LGSN: variants seen among roughly 807,000 people sequenced by gnomAD.
LGSN encodes the protein lengsin, lens protein with glutamine synthetase domain, also known as lengsin.
LGSN carries 21 observed loss-of-function variants against 19.5 expected under a neutral mutation model. The ratio of observed to expected loss-of-function variants is 1.07; its 90% CI spans 0.76 to 1.55. The LOEUF is 1.55. LGSN is among the 40% of genes most tolerant of loss of function. The pLI, the probability that LGSN is intolerant of heterozygous loss-of-function variation, is 0.00. For missense variants in LGSN, 673 were observed against 608.5 expected (o/e 1.11, Z -1.12); for synonymous variants, 257 against 215.6 (o/e 1.19, Z -1.68).
At chr6:63,511,554 C>G in the LGSN span, among the ~76,000 whole-genome samples, 2 of 152,178 alleles carry the variant, frequency 1.3e-5, no homozygotes. Context: ...CCGCACCCAG[C>G]CTCAAGTGAA....
chr6:63,292,393 G>T (rs1357926731), intron 2 of LGSN, among the ~76,000 whole-genome samples: 4 of 152,182 alleles, frequency 2.6e-5, no homozygotes, highest in African/African-American at 9.7e-5. Flanking sequence ...AGAGAGCTCT[G>T]GTCTTTGCCC....
chr6:63,360,909 G>T, the LGSN span, among the ~76,000 whole-genome samples: 5 of 152,210 alleles, frequency 3.3e-5, no homozygotes, highest in African/African-American at 1.2e-4. Flanking sequence ...GTTGGAGTTT[G>T]CCAGAGGTCC....
chr6:63,334,544 T>A, the LGSN span, among the ~76,000 whole-genome samples: 1 of 152,188 alleles, frequency 6.6e-6, no homozygotes, highest in South Asian at 2.1e-4. Flanking sequence ...CCCAAAGCAA[T>A]CTACATATTC....
At chr6:63,505,621 G>GAAAT in the LGSN span, among the ~76,000 whole-genome samples, 275 of 97,904 alleles carry the variant, frequency 2.8e-3, 34 homozygotes, top group African/African-American at 7.5e-3. Context: ...AAGAAAGAAA[G>GAAAT]AAAGAAAGAA....
the LGSN span, among the ~76,000 whole-genome samples, chr6:63,485,385 C>T: frequency 1.3e-5 from 2 of 152,172 alleles, no homozygotes; most frequent in African/African-American, 4.8e-5. Flanking sequence ...TATATGGTTG[C>T]ATAGTGTTCC....
chr6:63,491,899 T>C, the LGSN span, among the ~76,000 whole-genome samples: 1 of 152,044 alleles, frequency 6.6e-6, no homozygotes, highest in Non-Finnish European at 1.5e-5. Context: ...CGTAGTGGTG[T>C]GTGCCTGTAA....
the LGSN span, among the ~76,000 whole-genome samples, chr6:63,547,602 T>C: frequency 6.7e-6 from 1 of 148,666 alleles, no homozygotes; most frequent in South Asian, 2.2e-4. Flanking sequence ...GCCTCCCGGG[T>C]TCATTCCATT....
chr6:63,298,255 C>T (rs1768055370), intron 1 of LGSN, among the ~76,000 whole-genome samples: 1 of 152,178 alleles, frequency 6.6e-6, no homozygotes, highest in Non-Finnish European at 1.5e-5. Flanking sequence ...TAAGTTGTCT[C>T]TCAGATTATG....
the LGSN span, among the ~76,000 whole-genome samples, chr6:63,542,688 G>A: frequency 9.9e-5 from 15 of 152,082 alleles, no homozygotes; most frequent in African/African-American, 1.7e-4. Context: ...CCTGACACTC[G>A]CTGGTTTGTC....
upstream of LGSN, among the ~76,000 whole-genome samples, chr6:63,320,916 T>G (rs933972223): frequency 6.6e-6 from 1 of 152,182 alleles, no homozygotes; most frequent in Middle Eastern, 3.2e-3. Flanking sequence ...CTAAAGACAG[T>G]GATTAACTAT....
the LGSN span, among the ~76,000 whole-genome samples, chr6:63,491,401 C>G: frequency 6.6e-6 from 1 of 151,478 alleles, no homozygotes; most frequent in African/African-American, 2.4e-5. Flanking sequence ...GCTGGAAGAC[C>G]CTAGGTCTTT....
chr6:63,316,027 G>C (rs1018475437), intron 1 of LGSN, among the ~76,000 whole-genome samples: 4 of 152,022 alleles, frequency 2.6e-5, no homozygotes, highest in African/African-American at 9.7e-5. Flanking sequence ...AAATGGAATG[G>C]GTTATTTGTC....
At chr6:63,334,338 A>G in the LGSN span, among the ~76,000 whole-genome samples, 1 of 152,204 alleles carries the variant, frequency 6.6e-6, no homozygotes, top group East Asian at 1.9e-4. Context: ...TATCTGAAAA[A>G]GAAACCAAGA....
At chr6:63,422,558 C>A in the LGSN span, among the ~76,000 whole-genome samples, 1 of 152,038 alleles carries the variant, frequency 6.6e-6, no homozygotes. Context: ...AAGAGATACC[C>A]ATTTACCTAT....
the LGSN span, among the ~76,000 whole-genome samples, chr6:63,398,573 A>G: frequency 1.3e-5 from 2 of 152,206 alleles, no homozygotes; most frequent in African/African-American, 4.8e-5. Context: ...ACAAAAGAGT[A>G]AAATAATTGA....
chr6:63,287,489 C>G (rs566744701), intron 2 of LGSN, among the ~76,000 whole-genome samples: 1 of 152,180 alleles, frequency 6.6e-6, no homozygotes, highest in Admixed American at 6.5e-5. Context: ...GAGTTCAAGA[C>G]CAGCCTGGGC....
the LGSN span, among the ~76,000 whole-genome samples, chr6:63,499,407 G>T: frequency 6.6e-6 from 1 of 152,056 alleles, no homozygotes; most frequent in African/African-American, 2.4e-5. Flanking sequence ...TCTGTAAAAT[G>T]GGAAGAGTAA....
At chr6:63,332,200 G>A in the LGSN span, among the ~76,000 whole-genome samples, 3 of 152,034 alleles carry the variant, frequency 2.0e-5, no homozygotes, top group Admixed American at 2.0e-4. Context: ...GGTGAGCCTG[G>A]GTGCCTAAAG....
the LGSN span, chr6:63,550,600 G>C: frequency 2.0e-5 from 3 of 152,358 alleles, no homozygotes; most frequent in Admixed American, 1.3e-4. Context: ...CATTTCTATA[G>C]TGATATTTGT....
Sources: gnomAD v4.1 joint callset for allele counts (sites outside exome capture counted in the v4.1 genomes callset) on GRCh38, gnomAD v4.1.1 for gene constraint, MANE v1.5 for transcripts, NCBI Gene and HGNC (gene_info 2026-07-23, HGNC 2026-07-21) for gene names.